Variants in XKR9 observed in about 807,000 individuals in gnomAD.
The protein encoded by XKR9 is XK-related protein 9.
A neutral mutation model predicts 32.0 loss-of-function variants in XKR9; 32 were observed. The observed-to-expected ratio is 1.00, with a 90% confidence interval of 0.76 to 1.34. XKR9 has a LOEUF of 1.34. XKR9 is among the 40% of genes most tolerant of loss of function. The probability of loss-of-function intolerance (pLI) is 0.00; values close to 1 mark genes in which losing one functional copy is unlikely to be tolerated. For missense variants in XKR9, 546 were observed against 429.7 expected (o/e 1.27, Z -2.39); for synonymous variants, 168 against 143.4 (o/e 1.17, Z -1.22).
the XKR9 span, among the ~76,000 whole-genome samples, chr8:70,959,285 A>G: frequency 1.3e-5 from 2 of 152,180 alleles, no homozygotes; most frequent in African/African-American, 4.8e-5. Flanking sequence ...ATAGGCATCT[A>G]CTTTTTTCTT....
chr8:70,795,567 C>T, the XKR9 span, among the ~76,000 whole-genome samples: 1 of 152,128 alleles, frequency 6.6e-6, no homozygotes, highest in Non-Finnish European at 1.5e-5. Flanking sequence ...CAACGTCTTC[C>T]ATAATGGTTG....
chr8:70,714,761 G>A lies in XKR9; in HGVS notation c.493+7608G>A, dbSNP rs1276207274. Among the ~76,000 whole-genome samples the A allele has an allele frequency of 2.0e-5, 3 of 152,024 alleles. No homozygotes were observed. The South Asian group carries it at 6.2e-4, about 32-fold the overall frequency. On this transcript the variant is annotated intron_variant, in intron 4 of 4. Transcript: ENST00000408926. ...TAGTTTATTGTTGATGTCTTATTTA[G>A]TGAACATGGATGGGAGTTCTCTATT...
the XKR9 span, among the ~76,000 whole-genome samples, chr8:71,026,072 A>T: frequency 6.6e-6 from 1 of 152,116 alleles, no homozygotes; most frequent in Non-Finnish European, 1.5e-5. Context: ...TGACTTCTTT[A>T]TGGGAGATGC....
At chr8:71,052,454 T>C in the XKR9 span, among the ~76,000 whole-genome samples, 9 of 152,294 alleles carry the variant, frequency 5.9e-5, no homozygotes, top group East Asian at 1.5e-3. Context: ...ATCTCATTAC[T>C]CTTCACAGCA....
At chr8:70,951,811 G>A in the XKR9 span, among the ~76,000 whole-genome samples, 2 of 152,072 alleles carry the variant, frequency 1.3e-5, no homozygotes, top group Admixed American at 6.6e-5. Context: ...CTGTCTCTGA[G>A]GGAAGTCAAT....
chr8:70,745,929 T>C (rs1807052341), intron 2 of XKR9, among the ~76,000 whole-genome samples: 1 of 152,194 alleles, frequency 6.6e-6, no homozygotes, highest in Non-Finnish European at 1.5e-5. Flanking sequence ...ATGATTACAA[T>C]AAATTCAAAG....
At chr8:70,776,671 T>C (rs1807524482) in intron 2 of XKR9, among the ~76,000 whole-genome samples, 1 of 152,000 alleles carries the variant, frequency 6.6e-6, no homozygotes, top group Admixed American at 6.6e-5. Context: ...GCTGGAGGAA[T>C]GGAGATAGGA....
At chr8:70,686,188 T>G (rs1819270472) in intron 3 of XKR9, among the ~76,000 whole-genome samples, 1 of 151,676 alleles carries the variant, frequency 6.6e-6, no homozygotes, top group African/African-American at 2.4e-5. Context: ...TGGTGTTTTC[T>G]TTCTTTCCTC....
At chr8:70,977,304 C>T in the XKR9 span, among the ~76,000 whole-genome samples, 2 of 152,054 alleles carry the variant, frequency 1.3e-5, no homozygotes, top group African/African-American at 4.8e-5. Context: ...TTTGCTCTTG[C>T]TTCTCTAGTT....
chr8:70,875,206 T>C, the XKR9 span, among the ~76,000 whole-genome samples: 1 of 152,198 alleles, frequency 6.6e-6, no homozygotes, highest in Non-Finnish European at 1.5e-5. Context: ...ATATTACATA[T>C]TTGGATTTGC....
chr8:71,037,326 T>C, the XKR9 span, among the ~76,000 whole-genome samples: 15 of 152,218 alleles, frequency 9.9e-5, no homozygotes, highest in African/African-American at 3.6e-4. Flanking sequence ...GATTTTGTTA[T>C]CATTTTCATT....
the XKR9 span, among the ~76,000 whole-genome samples, chr8:71,051,018 A>G: frequency 1.3e-5 from 2 of 151,536 alleles, no homozygotes; most frequent in African/African-American, 4.8e-5. Context: ...ATTTAACTGA[A>G]TAATGTTAAA....
At chr8:70,812,825 C>T in the XKR9 span, among the ~76,000 whole-genome samples, 1 of 152,298 alleles carries the variant, frequency 6.6e-6, no homozygotes, top group Non-Finnish European at 1.5e-5. Flanking sequence ...ATTCCATGCT[C>T]ATGGATAGGG....
chr8:70,917,904 G>C, the XKR9 span, among the ~76,000 whole-genome samples: 1 of 152,052 alleles, frequency 6.6e-6, no homozygotes, highest in Admixed American at 6.5e-5. Flanking sequence ...GTTATTAAGA[G>C]GATTATACAA....
At chr8:71,010,162 G>A in the XKR9 span, among the ~76,000 whole-genome samples, 1 of 152,116 alleles carries the variant, frequency 6.6e-6, no homozygotes. Flanking sequence ...GAAAAATGTA[G>A]GTGAAAACAT....
At chr8:70,974,896 A>G in the XKR9 span, among the ~76,000 whole-genome samples, 527 of 152,266 alleles carry the variant, frequency 3.5e-3, 1 homozygote, top group African/African-American at 0.012. Flanking sequence ...CCTCTCCAGT[A>G]TCTGTTGCTT....
the XKR9 span, among the ~76,000 whole-genome samples, chr8:70,956,443 G>A: frequency 2.0e-3 from 308 of 152,254 alleles, 2 homozygotes; most frequent in African/African-American, 6.9e-3. Context: ...CCAATTGGCC[G>A]AACTGTCATC....
At chr8:70,805,525 G>T in the XKR9 span, among the ~76,000 whole-genome samples, 5 of 152,302 alleles carry the variant, frequency 3.3e-5, no homozygotes, top group East Asian at 9.7e-4. Flanking sequence ...GTGGGGGAAG[G>T]GCGGCATTCA....
chr8:70,684,018 A>C (rs995733382), intron 3 of XKR9, among the ~76,000 whole-genome samples: 7 of 152,176 alleles, frequency 4.6e-5, no homozygotes, highest in Non-Finnish European at 8.8e-5. Flanking sequence ...TGGAGGAGTT[A>C]GATTTTAGTC....
Sources: gnomAD v4.1 joint callset for allele counts (sites outside exome capture counted in the v4.1 genomes callset) on GRCh38, gnomAD v4.1.1 for gene constraint, MANE v1.5 for transcripts, NCBI Gene and HGNC (gene_info 2026-07-23, HGNC 2026-07-21) for gene names.